The following NINL variants were observed in gnomAD, a reference collection of about 807,000 sequenced individuals.
NINL encodes ninein-like protein.
A neutral mutation model predicts 160.3 loss-of-function variants in NINL; 153 were observed. That is an observed-to-expected ratio of 0.95 (90% CI 0.84 to 1.09). NINL has a LOEUF of 1.09. NINL is among the 50% of genes least tolerant of loss of function. The pLI, the probability that NINL is intolerant of heterozygous loss-of-function variation, is 0.00. For synonymous variants in NINL, 800 were observed against 734.8 expected, an observed-to-expected ratio of 1.09 and a Z score of -1.43; for missense variants, 1,829 against 1,764.0, an observed-to-expected ratio of 1.04 and a Z score of -0.66.
At chr20:25,462,325 C>A in intron 20 of NINL, 58 bp downstream of exon 20, 1 of 1,486,642 alleles carries the variant, frequency 6.7e-7, no homozygotes, top group East Asian at 2.3e-5. Context: ...TTTGCAGCCG[C>A]CTCCCCACCC....
intron 14 of NINL, among the ~76,000 whole-genome samples, chr20:25,480,698 T>A (rs2063369538): frequency 1.3e-5 from 2 of 152,192 alleles, no homozygotes; most frequent in African/African-American, 4.8e-5. Flanking sequence ...TTAGATAACC[T>A]TTCCTTGGTG....
At chr20:25,467,481 A>C in intron 18 of NINL, 23 bp from the exon 19 acceptor site, 1 of 1,592,044 alleles carries the variant, frequency 6.3e-7, no homozygotes, top group South Asian at 1.1e-5. Flanking sequence ...CACAATTAAC[A>C]GTGATACCAC....
intron 3 of NINL, among the ~76,000 whole-genome samples, chr20:25,513,992 T>C (rs1220740885): frequency 1.3e-5 from 2 of 152,232 alleles, no homozygotes; most frequent in Non-Finnish European, 2.9e-5. Context: ...GGAGCATTGC[T>C]ACAAAGATAC....
intron 14 of NINL, among the ~76,000 whole-genome samples, chr20:25,480,670 C>T (rs989120704): frequency 3.3e-5 from 5 of 152,162 alleles, no homozygotes; most frequent in Admixed American, 6.5e-5. Context: ...GCTGTGTGCA[C>T]GGAGGTTATC....
At chr20:25,525,963 C>G (rs963339696) in intron 2 of NINL, among the ~76,000 whole-genome samples, 3 of 152,202 alleles carry the variant, frequency 2.0e-5, no homozygotes, top group African/African-American at 4.8e-5. Flanking sequence ...TCAACAGTAG[C>G]TTGCAATTGT....
chr20:25,465,924 C>T (rs779795342), intron 19 of NINL, among the ~76,000 whole-genome samples: 25 of 152,174 alleles, frequency 1.6e-4, no homozygotes, highest in Non-Finnish European at 3.2e-4. Context: ...AGTGTGACAG[C>T]ACTCCTTCAG....
chr20:25,540,055 T>A (rs73111222), intron 1 of NINL: 88,355 of 1,285,444 alleles, frequency 0.069, 3,480 homozygotes, highest in Non-Finnish European at 0.078. Flanking sequence ...AGTTTCTTCT[T>A]CATGCAAACT....
intron 7 of NINL, among the ~76,000 whole-genome samples, chr20:25,502,982 C>A (rs1226149896): frequency 6.6e-6 from 1 of 152,262 alleles, no homozygotes; most frequent in Non-Finnish European, 1.5e-5. Context: ...TTGCCCTCAC[C>A]ATTCCACAAT....
intron 9 of NINL, 111 bp from the exon 10 acceptor site, chr20:25,496,914 A>G: frequency 7.1e-7 from 1 of 1,403,062 alleles, no homozygotes; most frequent in Non-Finnish European, 9.7e-7. Context: ...TAGCACACCA[A>G]CTATACAGCG....
At chr20:25,540,391 G>A (rs1033878246) in intron 1 of NINL, among the ~76,000 whole-genome samples, 1 of 152,202 alleles carries the variant, frequency 6.6e-6, no homozygotes, top group African/African-American at 2.4e-5. Flanking sequence ...TCATCGCTCT[G>A]CAGGACAGTG....
chr20:25,461,036 C>T (rs1210005447), intron 21 of NINL, among the ~76,000 whole-genome samples: 1 of 152,180 alleles, frequency 6.6e-6, no homozygotes, highest in East Asian at 1.9e-4. Flanking sequence ...ACCTGTCTGT[C>T]CCGGACCACG....
At position 25,476,674 on chromosome 20, in the gene NINL, C is replaced by G; in HGVS notation, c.2617G>C (p.Ala873Pro). Residue 873 changes from alanine (A) to proline (P), a missense_variant, in exon 17 of 24, where the codon GCA becomes CCA. Transcript: ENST00000278886. ...TGCCTGCGGCGAGGCCCGGCTCCTG[C>G]CGCCTCCTCAGACTCTCTGCCATCA... Reference protein sequence around the residue: ...PGDGRESEEAAGAGPRRRQAQ... With the variant: ...PGDGRESEEAPGAGPRRRQAQ... 1.3e-6 allele frequency: 2 copies of G among 1,588,158 alleles called. No individual in the cohort carries two copies. Among genetic ancestry groups the G allele is most frequent in the African/African-American group, 2.7e-5 (2 of 74,680 alleles).
chr20:25,501,698 T>G (rs1389669938), intron 7 of NINL, among the ~76,000 whole-genome samples: 2 of 152,198 alleles, frequency 1.3e-5, no homozygotes, highest in Non-Finnish European at 2.9e-5. Flanking sequence ...TTCTCACTGA[T>G]GTTAGCCTCA....
At chr20:25,488,105 T>C (rs1012278384) in intron 13 of NINL, among the ~76,000 whole-genome samples, 2 of 152,214 alleles carry the variant, frequency 1.3e-5, no homozygotes, top group African/African-American at 4.8e-5. Context: ...CTCTGTGTCA[T>C]ACAGCACCAG....
intron 1 of NINL, among the ~76,000 whole-genome samples, chr20:25,581,630 T>C (rs1243780963): frequency 1.3e-5 from 2 of 152,210 alleles, no homozygotes; most frequent in East Asian, 3.8e-4. Context: ...AAGTGGGATA[T>C]GTGTGTTTAT....
At chr20:25,522,030 T>C (rs1453109875) in intron 2 of NINL, among the ~76,000 whole-genome samples, 1 of 152,148 alleles carries the variant, frequency 6.6e-6, no homozygotes, top group Non-Finnish European at 1.5e-5. Context: ...CTTGGCCTCC[T>C]GAGTAGGTGG....
intron 17 of NINL, among the ~76,000 whole-genome samples, chr20:25,471,342 A>G (rs964048540): frequency 6.6e-6 from 1 of 152,180 alleles, no homozygotes; most frequent in Non-Finnish European, 1.5e-5. Flanking sequence ...ATATGCCTTC[A>G]TTTTATCTCA....
intron 1 of NINL, among the ~76,000 whole-genome samples, chr20:25,557,556 GA>G (rs1009852283): frequency 6.6e-6 from 1 of 151,624 alleles, no homozygotes; most frequent in African/African-American, 2.4e-5. Context: ...AAAAAAAAAA[GA>G]GTACAGTATT....
chr20:25,507,330 G>A (rs930386646), intron 5 of NINL, among the ~76,000 whole-genome samples: 1 of 152,012 alleles, frequency 6.6e-6, no homozygotes, highest in Non-Finnish European at 1.5e-5. Context: ...ACTCATCAGC[G>A]GGCTCAGGTG....
Sources: allele counts gnomAD v4.1 joint callset (sites outside exome capture counted in the v4.1 genomes callset), GRCh38; gene constraint gnomAD v4.1.1; transcripts MANE v1.5; gene names NCBI Gene and HGNC (gene_info 2026-07-23, HGNC 2026-07-21).